The following DGCR2 variants were observed in gnomAD, a reference collection of about 807,000 sequenced individuals.
DGCR2 encodes integral membrane protein DGCR2/IDD.
Under a neutral mutation model 51.6 loss-of-function variants are expected in DGCR2, and 24 were observed. The observed-to-expected ratio is 0.47, with a 90% CI of 0.34 to 0.65. DGCR2 has a LOEUF of 0.65. Ranked by LOEUF, DGCR2 falls within the 30% of genes least tolerant of loss-of-function variation. The pLI, the probability that DGCR2 is intolerant of heterozygous loss-of-function variation, is 0.01. For synonymous variants in DGCR2, 340 were observed against 315.4 expected, an observed-to-expected ratio of 1.08 and a Z score of -0.82; for missense variants, 765 against 772.1, an observed-to-expected ratio of 0.99 and a Z score of 0.11.
chr22:19,094,962 G>T (rs1175615285), intron 1 of DGCR2, among the ~76,000 whole-genome samples: 1 of 152,202 alleles, frequency 6.6e-6, no homozygotes, highest in East Asian at 1.9e-4. Context: ...GAAAGGGATG[G>T]GGGTGGGAGG....
chr22:19,063,354 T>C, intron 4 of DGCR2, 76 bp from the exon 5 acceptor site: 2 of 1,440,088 alleles, frequency 1.4e-6, no homozygotes, highest in South Asian at 1.2e-5. Context: ...GTGTTTTTTG[T>C]TTTTTGAGAC....
At chr22:19,082,068 T>G (rs939713712) in intron 2 of DGCR2, among the ~76,000 whole-genome samples, 10 of 150,874 alleles carry the variant, frequency 6.6e-5, no homozygotes, top group South Asian at 2.1e-4. Context: ...TTTTTTGTTT[T>G]TTTTTTTTTG....
intron 1 of DGCR2, among the ~76,000 whole-genome samples, chr22:19,104,007 G>A (rs1601295866): frequency 6.6e-6 from 1 of 152,182 alleles, no homozygotes; most frequent in African/African-American, 2.4e-5. Context: ...GGGCAACACA[G>A]TGAGGCACTG....
chr22:19,069,723 A>G (rs1372361530), intron 2 of DGCR2, among the ~76,000 whole-genome samples: 1 of 152,030 alleles, frequency 6.6e-6, no homozygotes, highest in Non-Finnish European at 1.5e-5. Flanking sequence ...CATTTTTTTC[A>G]TTATTCTAGA....
rs188666209 is a variant in DGCR2, at chr22:19,064,642, G to C, written c.548+206C>G. On this transcript the variant is annotated intron_variant, in intron 4 of 9. Coordinates refer to ENST00000263196, the MANE Select transcript of DGCR2 (RefSeq NM_005137.3). ...TCCCACAAAGTAGCAGCAGAGTCCAGCCTGCCCCTGCTCCCAGGACCCTCC... is the reference window on the plus strand; with the variant it reads ...TCCCACAAAGTAGCAGCAGAGTCCACCCTGCCCCTGCTCCCAGGACCCTCC... 4.4e-4 allele frequency among the ~76,000 whole-genome samples: 67 copies of C among 152,262 alleles called. 1 individual carries two copies. The East Asian group carries it at 0.011, about 24-fold the overall frequency.
chr22:19,077,610 C>T (rs1231198575), intron 2 of DGCR2, among the ~76,000 whole-genome samples: 1 of 152,174 alleles, frequency 6.6e-6, no homozygotes, highest in Non-Finnish European at 1.5e-5. Flanking sequence ...GGTTTAAAGT[C>T]AGGAATTATG....
chr22:19,062,904 A>G (rs1188411770), intron 5 of DGCR2, among the ~76,000 whole-genome samples: 1 of 151,890 alleles, frequency 6.6e-6, no homozygotes, highest in Non-Finnish European at 1.5e-5. Context: ...CACACTCTGC[A>G]TGCTCATTTT....
chr22:19,062,757 GCACACACA>G (rs553634878), intron 5 of DGCR2, among the ~76,000 whole-genome samples: 3 of 134,158 alleles, frequency 2.2e-5, no homozygotes, highest in East Asian at 4.5e-4. Flanking sequence ...AAATCTTTGC[GCACACACA>G]CACATGCATG....
At chr22:19,095,524 G>A (rs2083129286) in intron 1 of DGCR2, among the ~76,000 whole-genome samples, 1 of 151,964 alleles carries the variant, frequency 6.6e-6, no homozygotes, top group African/African-American at 2.4e-5. Context: ...AGCCGGGCGT[G>A]GTGGCGGGCG....
At chr22:19,071,809 G>A (rs557332141) in intron 2 of DGCR2, among the ~76,000 whole-genome samples, 1 of 152,294 alleles carries the variant, frequency 6.6e-6, no homozygotes, top group South Asian at 2.1e-4. Context: ...AAAGGCTTCT[G>A]TAGAGGATTG....
intron 1 of DGCR2, among the ~76,000 whole-genome samples, chr22:19,091,685 G>A (rs1204695464): frequency 1.3e-5 from 2 of 152,222 alleles, no homozygotes; most frequent in East Asian, 3.9e-4. Flanking sequence ...GCTGAGGCAG[G>A]CAGATCACTT....
intron 7 of DGCR2, chr22:19,048,124 C>A (rs909755261): frequency 2.4e-6 from 1 of 416,408 alleles, no homozygotes; most frequent in Non-Finnish European, 4.5e-6. Flanking sequence ...ACCCTGGAGG[C>A]GTAAGTTTGA....
At chr22:19,049,339 A>C (rs1050242795) in intron 6 of DGCR2, among the ~76,000 whole-genome samples, 55 of 151,946 alleles carry the variant, frequency 3.6e-4, no homozygotes, top group African/African-American at 1.3e-3. Context: ...AAAAACCCAG[A>C]GTCTTCAACT....
At chr22:19,047,869 GA>G (rs2082506821) in intron 7 of DGCR2, 1 of 158,074 alleles carries the variant, frequency 6.3e-6, no homozygotes, top group Non-Finnish European at 1.4e-5. Flanking sequence ...TCATACTAGA[GA>G]ACAGGAAGAG....
At chr22:19,122,092 GC>G in intron 1 of DGCR2, 35 bp downstream of exon 1, 1 of 1,434,104 alleles carries the variant, frequency 7.0e-7, no homozygotes, top group Non-Finnish European at 9.2e-7. Flanking sequence ...CCCGCTCGCC[GC>G]CCAGCCCCCA....
intron 1 of DGCR2, among the ~76,000 whole-genome samples, chr22:19,093,890 C>T (rs1203680548): frequency 6.6e-6 from 1 of 152,128 alleles, no homozygotes; most frequent in African/African-American, 2.4e-5. Context: ...CCTGTAGTCC[C>T]AGCTACTCAG....
At chr22:19,095,014 G>A (rs139058298) in intron 1 of DGCR2, among the ~76,000 whole-genome samples, 4 of 152,298 alleles carry the variant, frequency 2.6e-5, no homozygotes, top group African/African-American at 9.6e-5. Flanking sequence ...GTGACGATAC[G>A]CTGTGTTTGT....
intron 5 of DGCR2, among the ~76,000 whole-genome samples, chr22:19,062,457 T>C (rs1280128313): frequency 1.3e-5 from 2 of 152,292 alleles, no homozygotes; most frequent in East Asian, 1.9e-4. Flanking sequence ...TTCTTAGAGA[T>C]ACTTAAGACA....
Position 19,038,755 on chromosome 22 carries a change from G to T in DGCR2, c.*110C>A, listed in dbSNP as rs557006705. On this transcript the variant is annotated 3_prime_UTR_variant, in exon 10 of 10. Transcript: ENST00000263196. ...CACGCGAGCCCGCCAGTGACGTGCG[G>T]CAGTGCGTGGCGTCCAGGCTGGGAC... is the stretch of plus-strand genomic sequence containing the variant. 5.0e-5 allele frequency: 71 copies of T among 1,418,582 alleles called. No individual in the cohort carries two copies. The African/African-American group carries it at 8.1e-4, about 16-fold the overall frequency. 87.9% of individuals were successfully genotyped at this position (1,418,582 alleles called of 1,614,324 possible). A position where few individuals can be genotyped will look rare whatever the true frequency, so the allele number is the denominator to read the frequency against.
Sources: allele counts gnomAD v4.1 joint callset (sites outside exome capture counted in the v4.1 genomes callset), GRCh38; gene constraint gnomAD v4.1.1; transcripts MANE v1.5; gene names NCBI Gene and HGNC (gene_info 2026-07-23, HGNC 2026-07-21).